RPS6KC1: variants seen among roughly 807,000 people sequenced by gnomAD.
RPS6KC1 encodes inactive ribosomal protein S6 kinase delta-1.
In RPS6KC1, 54 loss-of-function variants were observed where a neutral mutation model predicts 103.8. The ratio of observed to expected loss-of-function variants is 0.52; its 90% CI spans 0.42 to 0.65. The LOEUF (loss-of-function observed/expected upper bound fraction) is 0.65. Among genes scored for constraint, RPS6KC1 ranks in the 30% least tolerant of loss-of-function variants. The pLI is 0.00. For missense variants in RPS6KC1, 1,151 were observed against 1,253.8 expected (o/e 0.92, Z 1.24); for synonymous variants, 439 against 438.7 (o/e 1.00, Z -0.01).
At chr1:213,773,497 T>C in the RPS6KC1 span, among the ~76,000 whole-genome samples, 2 of 148,474 alleles carry the variant, frequency 1.3e-5, no homozygotes, top group Non-Finnish European at 1.5e-5. Flanking sequence ...AGATATATAA[T>C]ACAGATATTA....
chr1:213,815,237 G>A, the RPS6KC1 span, among the ~76,000 whole-genome samples: 2 of 152,114 alleles, frequency 1.3e-5, no homozygotes, highest in East Asian at 1.9e-4. Context: ...AGCTTCCTGA[G>A]GCCTTCCCAG....
At chr1:213,588,030 T>C in the RPS6KC1 span, among the ~76,000 whole-genome samples, 1 of 152,180 alleles carries the variant, frequency 6.6e-6, no homozygotes, top group Non-Finnish European at 1.5e-5. Flanking sequence ...CTGTTCCTCA[T>C]AGATGGCCCT....
chr1:213,444,655 G>A, the RPS6KC1 span, among the ~76,000 whole-genome samples: 8 of 149,568 alleles, frequency 5.3e-5, no homozygotes, highest in African/African-American at 2.0e-4. Context: ...TACTTGGGAG[G>A]CTGAGGCAGG....
the RPS6KC1 span, among the ~76,000 whole-genome samples, chr1:213,685,629 CAAA>C: frequency 3.1e-5 from 3 of 95,678 alleles, no homozygotes; most frequent in Admixed American, 1.1e-4. Flanking sequence ...GACTCCATTT[CAAA>C]AAAAAAAAAA....
At chr1:213,630,547 G>T in the RPS6KC1 span, among the ~76,000 whole-genome samples, 2 of 151,562 alleles carry the variant, frequency 1.3e-5, no homozygotes, top group Admixed American at 6.6e-5. Flanking sequence ...GCTCGGAGTA[G>T]TTTGATCATC....
rs572611313 is a variant in RPS6KC1 at position 213,205,203 on chromosome 1, C to T, written c.1045-25294C>T. ...AAAAGAAAGTTGCTATCACAATGTA[C>T]TTTCTACTTTTTAATCTACTCTACT... On this transcript the variant is annotated intron_variant, in intron 8 of 14. Transcript: ENST00000366960. The T allele has an allele frequency of 2.4e-5, 23 of 977,858 alleles. No homozygotes were observed. The African/African-American group carries it at 3.3e-4, about 14-fold the overall frequency. 60.6% of individuals were successfully genotyped at this position (977,858 alleles called of 1,614,324 possible). A position where few individuals can be genotyped will look rare whatever the true frequency, so the allele number is the denominator to read the frequency against.
chr1:213,218,967 C>T (rs1237879886), intron 8 of RPS6KC1, among the ~76,000 whole-genome samples: 1 of 152,182 alleles, frequency 6.6e-6, no homozygotes, highest in Non-Finnish European at 1.5e-5. Context: ...GACTTCATGT[C>T]TAAAACACCA....
chr1:213,638,276 A>G, the RPS6KC1 span, among the ~76,000 whole-genome samples: 2 of 151,906 alleles, frequency 1.3e-5, no homozygotes, highest in African/African-American at 2.4e-5. Flanking sequence ...AATTCTTTAA[A>G]TGTTTTGTTT....
At chr1:213,205,156 A>T in intron 8 of RPS6KC1, 1 of 633,112 alleles carries the variant, frequency 1.6e-6, no homozygotes, top group Non-Finnish European at 2.0e-6. Context: ...TTAAATTTTT[A>T]CCTGTCTGTT....
chr1:213,731,289 C>A, the RPS6KC1 span: 1 of 152,130 alleles, frequency 6.6e-6, no homozygotes, highest in Non-Finnish European at 1.5e-5. Context: ...TGAAGAATAA[C>A]AATGGTAGTT....
chr1:213,591,541 G>A, the RPS6KC1 span, among the ~76,000 whole-genome samples: 2 of 152,138 alleles, frequency 1.3e-5, no homozygotes, highest in Non-Finnish European at 1.5e-5. Flanking sequence ...CTGCAGCCTT[G>A]TGCCAGGGGC....
At chr1:213,824,422 C>T in the RPS6KC1 span, among the ~76,000 whole-genome samples, 1 of 152,138 alleles carries the variant, frequency 6.6e-6, no homozygotes, top group African/African-American at 2.4e-5. Flanking sequence ...GTTCTCAACC[C>T]CCTCACCTGA....
At chr1:213,701,742 C>T in the RPS6KC1 span, among the ~76,000 whole-genome samples, 1 of 152,012 alleles carries the variant, frequency 6.6e-6, no homozygotes, top group East Asian at 1.9e-4. Context: ...TGAATTTCTA[C>T]AGTATTGATT....
At chr1:213,374,992 T>C in the RPS6KC1 span, among the ~76,000 whole-genome samples, 5 of 151,876 alleles carry the variant, frequency 3.3e-5, no homozygotes, top group East Asian at 9.7e-4. Context: ...CACACACACA[T>C]ATACACACAT....
At chr1:213,632,207 T>G in the RPS6KC1 span, among the ~76,000 whole-genome samples, 11 of 152,244 alleles carry the variant, frequency 7.2e-5, no homozygotes, top group Non-Finnish European at 1.5e-5. Flanking sequence ...TGGATACAGC[T>G]GCTGCAAACA....
chr1:213,120,185 G>A (rs75971693), intron 5 of RPS6KC1, among the ~76,000 whole-genome samples: 2,747 of 152,174 alleles, frequency 0.018, 37 homozygotes, highest in Non-Finnish European at 0.03. Flanking sequence ...CTGTCAGTGC[G>A]GTTTAGTTTT....
chr1:213,635,957 A>C, the RPS6KC1 span, among the ~76,000 whole-genome samples: 1 of 152,248 alleles, frequency 6.6e-6, no homozygotes, highest in South Asian at 2.1e-4. Context: ...AATCACAAGC[A>C]TTCCTATACA....
chr1:213,300,322 T>C, the RPS6KC1 span, among the ~76,000 whole-genome samples: 400 of 152,250 alleles, frequency 2.6e-3, no homozygotes, highest in African/African-American at 9.1e-3. Flanking sequence ...CTGGCAACCA[T>C]ATTGGGTGGT....
At chr1:213,387,234 A>T in the RPS6KC1 span, among the ~76,000 whole-genome samples, 1 of 152,258 alleles carries the variant, frequency 6.6e-6, no homozygotes, top group Admixed American at 6.5e-5. Flanking sequence ...CCAATATGCC[A>T]GACCGACTCA....
Sources: allele counts gnomAD v4.1 joint callset (sites outside exome capture counted in the v4.1 genomes callset), GRCh38; gene constraint gnomAD v4.1.1; transcripts MANE v1.5; gene names NCBI Gene and HGNC (gene_info 2026-07-23, HGNC 2026-07-21).